Variants in RALGPS1 observed in about 807,000 individuals in gnomAD.
The protein encoded by RALGPS1 is ras-specific guanine nucleotide-releasing factor RalGPS1.
In RALGPS1, 19 loss-of-function variants were observed where a neutral mutation model predicts 78.8. The ratio of observed to expected loss-of-function variants is 0.24; its 90% CI spans 0.17 to 0.35. The LOEUF (loss-of-function observed/expected upper bound fraction) is 0.35, where lower values mean the gene tolerates loss of function less well. Among genes scored for constraint, RALGPS1 ranks in the 10% least tolerant of loss-of-function variants. The probability of loss-of-function intolerance (pLI) is 1.00; values close to 1 mark genes in which losing one functional copy is unlikely to be tolerated. For synonymous variants in RALGPS1, 228 were observed against 256.3 expected (o/e 0.89, Z 1.06); for missense variants, 454 against 688.3 (o/e 0.66, Z 3.81).
intron 12 of RALGPS1, among the ~76,000 whole-genome samples, chr9:127,196,198 G>A (rs2061339807): frequency 1.3e-5 from 2 of 152,232 alleles, no homozygotes; most frequent in African/African-American, 4.8e-5. Flanking sequence ...TCACTCACGA[G>A]CACATCTGCT....
chr9:126,974,083 A>G (rs2040376639), intron 3 of RALGPS1, among the ~76,000 whole-genome samples: 1 of 152,170 alleles, frequency 6.6e-6, no homozygotes, highest in Non-Finnish European at 1.5e-5. Flanking sequence ...CATGTTGGCC[A>G]GGGTGGTCTC....
At chr9:126,946,533 C>CAAAA (rs61279292) in intron 1 of RALGPS1, among the ~76,000 whole-genome samples, 60 of 76,040 alleles carry the variant, frequency 7.9e-4, no homozygotes, top group Admixed American at 1.2e-3. Context: ...GAATCTGTCT[C>CAAAA]AAAAAAAAAA....
chr9:126,984,087 T>C (rs1426822453), intron 4 of RALGPS1, among the ~76,000 whole-genome samples: 1 of 152,166 alleles, frequency 6.6e-6, no homozygotes. Context: ...CCTAGCAAAA[T>C]GGTGACTTTT....
Position 127,091,920 on chromosome 9 carries a change from G to A in RALGPS1, c.610+22564G>A, listed in dbSNP as rs2297866. On this transcript the variant is annotated intron_variant, in intron 8 of 18. Coordinates refer to ENST00000259351, the MANE Select transcript of RALGPS1 (RefSeq NM_014636.3). This position sits in a 1 kb window ranked among gnomAD's most constrained non-coding sequence, Gnocchi z 4.3. Reference sequence around the variant, plus strand: ...TCTCCAGGCCCAGCCAGTATTCGCCGTCAATGTTCCCAAACCCTTGCTGGG... The same window carrying A: ...TCTCCAGGCCCAGCCAGTATTCGCCATCAATGTTCCCAAACCCTTGCTGGG... 0.44 allele frequency: 705,395 copies of A among 1,613,662 alleles called. 161,299 individuals carry two copies. Among genetic ancestry groups the A allele is most frequent in the Non-Finnish European group, 0.47 (552,409 of 1,179,892 alleles).
At chr9:127,049,971 G>T in intron 5 of RALGPS1, 72 bp from the exon 6 acceptor site, 1 of 1,100,598 alleles carries the variant, frequency 9.1e-7, no homozygotes, top group South Asian at 1.3e-5. Context: ...GGGCAAGGGG[G>T]ACACGGGTGG....
At chr9:127,015,998 C>T (rs929980130) in intron 4 of RALGPS1, among the ~76,000 whole-genome samples, 7 of 151,672 alleles carry the variant, frequency 4.6e-5, no homozygotes, top group African/African-American at 1.7e-4. Flanking sequence ...TTCTTCTCTT[C>T]TTCTTTTTCC....
At chr9:127,099,429 G>A (rs1369927041) in intron 8 of RALGPS1, among the ~76,000 whole-genome samples, 1 of 152,208 alleles carries the variant, frequency 6.6e-6, no homozygotes, top group Admixed American at 6.5e-5. Flanking sequence ...CAGGAGAAAT[G>A]ACTAACTGTT....
intron 10 of RALGPS1, among the ~76,000 whole-genome samples, chr9:127,171,029 A>C (rs1327998327): frequency 6.6e-6 from 1 of 152,256 alleles, no homozygotes; most frequent in Non-Finnish European, 1.5e-5. Flanking sequence ...GCAATGGCTT[A>C]GTTATTACCT....
chr9:127,077,888 G>A (rs1158486053), intron 8 of RALGPS1, among the ~76,000 whole-genome samples: 1 of 152,204 alleles, frequency 6.6e-6, no homozygotes, highest in African/African-American at 2.4e-5. Flanking sequence ...AGCTGGAAAA[G>A]GAGGTATCTG....
chr9:127,040,158 T>G (rs563464205), intron 5 of RALGPS1, among the ~76,000 whole-genome samples: 1 of 152,294 alleles, frequency 6.6e-6, no homozygotes, highest in South Asian at 2.1e-4. Flanking sequence ...CCCAGCACTT[T>G]GGGAGGCCAA....
chr9:127,088,279 G>A (rs922849401), intron 8 of RALGPS1: 1 of 152,140 alleles, frequency 6.6e-6, no homozygotes, highest in Non-Finnish European at 1.5e-5. Context: ...ATTTGATTAG[G>A]TGCCAAAAGG....
At chr9:127,133,351 C>T (rs2057145267) in intron 8 of RALGPS1, among the ~76,000 whole-genome samples, 1 of 152,266 alleles carries the variant, frequency 6.6e-6, no homozygotes, top group Non-Finnish European at 1.5e-5. Flanking sequence ...TGGAAACCCC[C>T]TCTTCCTGGC....
At chr9:127,053,017 C>G in intron 7 of RALGPS1, 78 bp downstream of exon 7, 1 of 1,003,360 alleles carries the variant, frequency 1.0e-6, no homozygotes, top group Non-Finnish European at 1.6e-6. Context: ...AAGCCCCAGC[C>G]TTTCTCTTAC....
chr9:127,177,002 G>A (rs971967681), intron 11 of RALGPS1, among the ~76,000 whole-genome samples: 3 of 152,212 alleles, frequency 2.0e-5, no homozygotes, highest in Non-Finnish European at 4.4e-5. Context: ...ATCCTGTTGG[G>A]CTCAGGGTGG....
rs1182206743 is a variant in RALGPS1 at position 127,211,531 on chromosome 9, C to G, written c.1248-600C>G. Among the ~76,000 whole-genome samples the G allele has an allele frequency of 6.6e-6, 1 of 152,166 alleles. No individual in the cohort carries two copies. Among genetic ancestry groups the G allele is most frequent in the Non-Finnish European group, 1.5e-5 (1 of 68,018 alleles). Reference sequence around the variant, plus strand: ...GTAGGGGGTGGTGCCATTCCTGAGGCACCGGCAGATCCGGAGCTCAGGAGG... The same window carrying G: ...GTAGGGGGTGGTGCCATTCCTGAGGGACCGGCAGATCCGGAGCTCAGGAGG... On this transcript the variant is annotated intron_variant, in intron 14 of 18. Coordinates refer to ENST00000259351, the MANE Select transcript of RALGPS1 (RefSeq NM_014636.3). This position sits in a 1 kb window ranked among gnomAD's most constrained non-coding sequence, Gnocchi z 5.0.
chr9:127,210,322 C>T (rs1027076507), intron 14 of RALGPS1, among the ~76,000 whole-genome samples: 8 of 152,228 alleles, frequency 5.3e-5, no homozygotes, highest in Admixed American at 2.0e-4. Context: ...GCACTTTTCA[C>T]GTGGACTTGC....
intron 14 of RALGPS1, among the ~76,000 whole-genome samples, chr9:127,208,555 G>A (rs1045796905): frequency 2.6e-5 from 4 of 152,156 alleles, no homozygotes; most frequent in Admixed American, 6.5e-5. Flanking sequence ...GGGACGGTAA[G>A]GGTGCTTTAC....
chr9:127,153,409 A>G (rs1054217918), intron 8 of RALGPS1, among the ~76,000 whole-genome samples: 1 of 115,698 alleles, frequency 8.6e-6, no homozygotes, highest in African/African-American at 3.5e-5. Flanking sequence ...TAGCAGTTTC[A>G]TGCCCTTAAT....
At chr9:127,095,577 G>T (rs551608144) in intron 8 of RALGPS1, among the ~76,000 whole-genome samples, 1 of 152,206 alleles carries the variant, frequency 6.6e-6, no homozygotes, top group Non-Finnish European at 1.5e-5. Flanking sequence ...GGGTGGGGCC[G>T]CTCTGACGCC....
Sources: gnomAD v4.1 joint callset for allele counts (sites outside exome capture counted in the v4.1 genomes callset) on GRCh38, gnomAD v4.1.1 for gene constraint, Gnocchi (gnomAD v3.1) non-coding constraint, MANE v1.5 for transcripts, NCBI Gene and HGNC (gene_info 2026-07-23, HGNC 2026-07-21) for gene names.